HMBOX1: variants seen among roughly 807,000 people sequenced by gnomAD.
HMBOX1 encodes the protein homeobox-containing protein 1.
A neutral mutation model predicts 54.5 loss-of-function variants in HMBOX1; 14 were observed. The ratio of observed to expected loss-of-function variants is 0.26; its 90% confidence interval spans 0.17 to 0.40. HMBOX1 has a LOEUF of 0.40. HMBOX1 is among the 10% of genes least tolerant of loss of function. The probability of loss-of-function intolerance (pLI) is 1.00; values close to 1 mark genes in which losing one functional copy is unlikely to be tolerated. For missense variants in HMBOX1, 332 were observed against 514.4 expected (o/e 0.65, Z 3.43); for synonymous variants, 160 against 181.0 (o/e 0.88, Z 0.93).
chr8:28,940,888 G>A (rs1821278161), intron 1 of HMBOX1, among the ~76,000 whole-genome samples: 1 of 152,170 alleles, frequency 6.6e-6, no homozygotes. Context: ...TAAGTGGAAG[G>A]CACTGTAGTG....
intron 6 of HMBOX1, among the ~76,000 whole-genome samples, chr8:29,030,582 A>G (rs1802811962): frequency 6.6e-6 from 1 of 152,164 alleles, no homozygotes; most frequent in Non-Finnish European, 1.5e-5. Flanking sequence ...ATGTCCTTCA[A>G]GTTATTAAAA....
At chr8:28,894,325 T>A (rs1811640295) in intron 1 of HMBOX1, among the ~76,000 whole-genome samples, 1 of 152,172 alleles carries the variant, frequency 6.6e-6, no homozygotes, top group Non-Finnish European at 1.5e-5. Context: ...AATTGGTGTA[T>A]ATCTATCAGA....
At chr8:28,965,010 T>C (rs1826202131) in intron 2 of HMBOX1, among the ~76,000 whole-genome samples, 1 of 152,250 alleles carries the variant, frequency 6.6e-6, no homozygotes, top group Non-Finnish European at 1.5e-5. Context: ...GCTCAAAGCC[T>C]AGAAGTTTCT....
At chr8:28,906,565 T>A (rs1169917731) in intron 1 of HMBOX1, among the ~76,000 whole-genome samples, 1 of 152,206 alleles carries the variant, frequency 6.6e-6, no homozygotes, top group Non-Finnish European at 1.5e-5. Context: ...TAGTAAATGC[T>A]TTTTGAAAAT....
intron 4 of HMBOX1, among the ~76,000 whole-genome samples, chr8:28,983,940 T>C (rs1829799593): frequency 6.6e-6 from 1 of 152,224 alleles, no homozygotes. Context: ...TGTGTATTAT[T>C]GTGTTACATT....
chr8:29,041,019 C>T (rs940043974), intron 6 of HMBOX1, among the ~76,000 whole-genome samples: 2 of 152,074 alleles, frequency 1.3e-5, no homozygotes, highest in Non-Finnish European at 2.9e-5. Context: ...AATACACTTT[C>T]CAAACATAAA....
intron 1 of HMBOX1, among the ~76,000 whole-genome samples, chr8:28,925,868 T>TAA (rs1467636188): frequency 6.6e-6 from 1 of 152,228 alleles, no homozygotes; most frequent in East Asian, 1.9e-4. Flanking sequence ...TTGAATCTAC[T>TAA]ACTTTTAGAC....
At chr8:29,021,309 G>C (rs956988905) in intron 6 of HMBOX1, among the ~76,000 whole-genome samples, 3 of 151,856 alleles carry the variant, frequency 2.0e-5, no homozygotes, top group African/African-American at 7.3e-5. Flanking sequence ...TCATATCCTG[G>C]CAATGGGAAA....
chr8:28,898,771 G>A (rs1184487757), intron 1 of HMBOX1, among the ~76,000 whole-genome samples: 1 of 152,186 alleles, frequency 6.6e-6, no homozygotes, highest in Non-Finnish European at 1.5e-5. Flanking sequence ...ACCTGTTGAT[G>A]GTGACAGTGT....
At chr8:28,984,372 A>G (rs1039233005) in intron 4 of HMBOX1, among the ~76,000 whole-genome samples, 4 of 152,226 alleles carry the variant, frequency 2.6e-5, no homozygotes, top group African/African-American at 9.6e-5. Context: ...TGCTAAATAA[A>G]AAGTGTAATG....
intron 1 of HMBOX1, among the ~76,000 whole-genome samples, chr8:28,953,664 G>T (rs1823910761): frequency 6.6e-6 from 1 of 151,488 alleles, no homozygotes; most frequent in Non-Finnish European, 1.5e-5. Context: ...ATTGGCATTT[G>T]CTAAGAATTT....
At chr8:29,005,780 T>G (rs1833363742) in intron 4 of HMBOX1, among the ~76,000 whole-genome samples, 1 of 152,148 alleles carries the variant, frequency 6.6e-6, no homozygotes, top group African/African-American at 2.4e-5. Flanking sequence ...TCGCTATAGA[T>G]TAGTCGTATC....
At chr8:28,909,913 A>G (rs1453321981) in intron 1 of HMBOX1, among the ~76,000 whole-genome samples, 1 of 151,640 alleles carries the variant, frequency 6.6e-6, no homozygotes, top group Non-Finnish European at 1.5e-5. Context: ...AGGCTGTAGT[A>G]CTGTGGTGTG....
At chr8:29,021,630 C>T (rs893426954) in intron 6 of HMBOX1, among the ~76,000 whole-genome samples, 18 of 151,488 alleles carry the variant, frequency 1.2e-4, no homozygotes, top group African/African-American at 3.2e-4. Flanking sequence ...CCGAGGCGGG[C>T]GGATCACGAG....
intron 1 of HMBOX1, among the ~76,000 whole-genome samples, chr8:28,912,694 C>T (rs1815692896): frequency 1.3e-5 from 2 of 151,982 alleles, no homozygotes; most frequent in Non-Finnish European, 2.9e-5. Context: ...TGCTTCTTGC[C>T]CTTCAAGTTC....
intron 4 of HMBOX1, among the ~76,000 whole-genome samples, chr8:28,986,115 T>C (rs1439251324): frequency 6.6e-6 from 1 of 152,198 alleles, no homozygotes; most frequent in Non-Finnish European, 1.5e-5. Context: ...GGCAACCTTT[T>C]TATGGTTTCC....
At chr8:28,976,952 G>A (rs1422043082) in intron 3 of HMBOX1, among the ~76,000 whole-genome samples, 7 of 151,536 alleles carry the variant, frequency 4.6e-5, no homozygotes, top group African/African-American at 1.2e-4. Context: ...CAAGTGATCC[G>A]CCCGCCTCAG....
intron 8 of HMBOX1, among the ~76,000 whole-genome samples, chr8:29,048,101 C>G (rs575909175): frequency 1.3e-5 from 2 of 152,034 alleles, no homozygotes; most frequent in East Asian, 3.9e-4. Flanking sequence ...AATGTAATAC[C>G]CAGAATTTCT....
intron 5 of HMBOX1, among the ~76,000 whole-genome samples, chr8:29,014,194 T>TG (rs1221708009): frequency 6.7e-6 from 1 of 149,490 alleles, no homozygotes; most frequent in Non-Finnish European, 1.5e-5. Flanking sequence ...GAGTTTTGGG[T>TG]TTTTTTTTTC....
Sources: allele counts gnomAD v4.1 joint callset (sites outside exome capture counted in the v4.1 genomes callset), GRCh38; gene constraint gnomAD v4.1.1; transcripts MANE v1.5; gene names NCBI Gene and HGNC (gene_info 2026-07-23, HGNC 2026-07-21).